DENND1A: variants seen among roughly 807,000 people sequenced by gnomAD.
DENND1A encodes the protein DENN domain-containing protein 1A.
In DENND1A, 51 loss-of-function variants were observed where a neutral mutation model predicts 113.7. The ratio of observed to expected loss-of-function variants is 0.45; its 90% CI spans 0.36 to 0.57. The LOEUF is 0.57. Ranked by LOEUF, DENND1A falls within the 20% of genes least tolerant of loss-of-function variation. The probability of loss-of-function intolerance (pLI) is 0.00; values close to 1 mark genes in which losing one functional copy is unlikely to be tolerated. For missense variants in DENND1A, 1,258 were observed against 1,395.9 expected, an observed-to-expected ratio of 0.90 and a Z score of 1.57; for synonymous variants, 565 against 570.8, an observed-to-expected ratio of 0.99 and a Z score of 0.14.
chr9:123,609,907 G>T (rs1185018686), intron 10 of DENND1A, among the ~76,000 whole-genome samples: 1 of 152,216 alleles, frequency 6.6e-6, no homozygotes, highest in African/African-American at 2.4e-5. Flanking sequence ...AGCAGTTAAG[G>T]TTGGATGAAG....
intron 12 of DENND1A, among the ~76,000 whole-genome samples, chr9:123,566,222 A>T (rs1192337815): frequency 2.0e-5 from 3 of 152,220 alleles, no homozygotes; most frequent in Non-Finnish European, 1.5e-5. Context: ...CCCTGATTTA[A>T]TATATCTCCA....
intron 10 of DENND1A, among the ~76,000 whole-genome samples, chr9:123,611,000 A>G (rs768941325): frequency 6.6e-6 from 1 of 152,234 alleles, no homozygotes; most frequent in Non-Finnish European, 1.5e-5. Flanking sequence ...CCAGAATATA[A>G]AATGTCCTCC....
At chr9:123,401,933 C>G (rs751480399) in intron 21 of DENND1A, 21 of 1,614,012 alleles carry the variant, frequency 1.3e-5, no homozygotes, top group Non-Finnish European at 1.7e-5. Flanking sequence ...CAAGAATATT[C>G]TGGGTTTACA....
chr9:123,727,027 G>A (rs1051341665), intron 5 of DENND1A, among the ~76,000 whole-genome samples: 1 of 152,174 alleles, frequency 6.6e-6, no homozygotes, highest in Non-Finnish European at 1.5e-5. Context: ...GCTCAGTGTT[G>A]TCACGTGTAA....
chr9:123,920,305 C>T (rs1224170143), intron 1 of DENND1A, among the ~76,000 whole-genome samples: 1 of 152,016 alleles, frequency 6.6e-6, no homozygotes, highest in Non-Finnish European at 1.5e-5. Flanking sequence ...GTGGCAGGTG[C>T]CTGTAATCCC....
At chr9:123,690,721 G>A (rs762821272) in intron 5 of DENND1A, among the ~76,000 whole-genome samples, 14 of 152,124 alleles carry the variant, frequency 9.2e-5, no homozygotes, top group African/African-American at 1.7e-4. Context: ...ATGATTCCCC[G>A]CTGGCTACCA....
intron 13 of DENND1A, among the ~76,000 whole-genome samples, chr9:123,487,004 A>T (rs1306756613): frequency 6.6e-6 from 1 of 152,206 alleles, no homozygotes; most frequent in African/African-American, 2.4e-5. Flanking sequence ...AGCAGTCTCC[A>T]CTGAGAGTTG....
At chr9:123,828,206 T>C (rs1428416166) in intron 2 of DENND1A, among the ~76,000 whole-genome samples, 4 of 152,060 alleles carry the variant, frequency 2.6e-5, no homozygotes, top group Admixed American at 6.6e-5. Flanking sequence ...TTTAAAAAGA[T>C]TGAGAGTTTT....
intron 2 of DENND1A, among the ~76,000 whole-genome samples, chr9:123,801,166 T>C (rs904544572): frequency 6.6e-6 from 1 of 152,348 alleles, no homozygotes; most frequent in Non-Finnish European, 1.5e-5. Flanking sequence ...TAGTAAAATA[T>C]ACATACAATT....
At chr9:123,769,476 T>C (rs1778890) in intron 4 of DENND1A, 38 bp downstream of exon 4, 360,252 of 1,551,188 alleles carry the variant, frequency 0.23, 50,912 homozygotes, top group African/African-American at 0.68. Flanking sequence ...GGTTTATTGA[T>C]ACTTTTTTTC....
intron 13 of DENND1A, among the ~76,000 whole-genome samples, chr9:123,465,308 A>ATT (rs60428558): frequency 2.5e-5 from 2 of 80,082 alleles, no homozygotes; most frequent in African/African-American, 9.4e-5. Flanking sequence ...TTTGTCTTTG[A>ATT]TTTTTTTTTT....
chr9:123,636,110 T>G (rs1037931763), intron 9 of DENND1A, among the ~76,000 whole-genome samples: 3 of 152,210 alleles, frequency 2.0e-5, no homozygotes, highest in African/African-American at 7.2e-5. Context: ...TTCTCAGCTC[T>G]GCAGCTCCAG....
chr9:123,689,760 A>G (rs1043144430), intron 5 of DENND1A, among the ~76,000 whole-genome samples: 1 of 152,144 alleles, frequency 6.6e-6, no homozygotes, highest in Non-Finnish European at 1.5e-5. Flanking sequence ...ACTTGAGCCC[A>G]GGAATTCAAG....
chr9:123,894,103 T>C (rs1383571128), intron 1 of DENND1A, among the ~76,000 whole-genome samples: 1 of 152,190 alleles, frequency 6.6e-6, no homozygotes, highest in Non-Finnish European at 1.5e-5. Flanking sequence ...ACTGGGAACT[T>C]TGTTTCACTT....
intron 1 of DENND1A, among the ~76,000 whole-genome samples, chr9:123,927,980 T>A (rs1857386126): frequency 6.6e-6 from 1 of 152,212 alleles, no homozygotes; most frequent in African/African-American, 2.4e-5. Flanking sequence ...TTTCATAACT[T>A]CTCTCTTCAT....
intron 5 of DENND1A, among the ~76,000 whole-genome samples, chr9:123,734,413 G>A (rs1196827124): frequency 6.6e-6 from 1 of 151,946 alleles, no homozygotes; most frequent in Non-Finnish European, 1.5e-5. Flanking sequence ...TTCAGATCCT[G>A]GGCCATGTGA....
At chr9:123,564,429 G>A (rs778216523) in intron 12 of DENND1A, among the ~76,000 whole-genome samples, 16 of 152,332 alleles carry the variant, frequency 1.1e-4, no homozygotes, top group African/African-American at 3.1e-4. Context: ...GGAAGGCCCC[G>A]TTTGATTTGG....
At chr9:123,624,906 T>C (rs140423626) in intron 10 of DENND1A, among the ~76,000 whole-genome samples, 5 of 152,282 alleles carry the variant, frequency 3.3e-5, no homozygotes, top group African/African-American at 4.8e-5. Context: ...GGAAGAACAA[T>C]TGGCTAGAAA....
At chr9:123,407,157 G>C (rs943699795) in intron 20 of DENND1A, among the ~76,000 whole-genome samples, 1 of 147,738 alleles carries the variant, frequency 6.8e-6, no homozygotes, top group African/African-American at 2.5e-5. Flanking sequence ...ACAGAGCAGG[G>C]GGGGAGGGGC....
Sources: allele counts gnomAD v4.1 joint callset (sites outside exome capture counted in the v4.1 genomes callset), GRCh38; gene constraint gnomAD v4.1.1; transcripts MANE v1.5; gene names NCBI Gene and HGNC (gene_info 2026-07-23, HGNC 2026-07-21).